The following TYW1 variants were observed in gnomAD, a reference collection of about 807,000 sequenced individuals.
The protein encoded by TYW1 is S-adenosyl-L-methionine-dependent tRNA 4-demethylwyosine synthase TYW1.
In TYW1, 46 loss-of-function variants were observed where a neutral mutation model predicts 96.2. That is an observed-to-expected ratio of 0.48 (90% confidence interval 0.38 to 0.61). TYW1 has a LOEUF of 0.61. Among genes scored for constraint, TYW1 ranks in the 20% least tolerant of loss-of-function variants. TYW1 has a pLI of 0.00. For synonymous variants in TYW1, 274 were observed against 323.0 expected (o/e 0.85, Z 1.63); for missense variants, 684 against 909.6 (o/e 0.75, Z 3.19).
chr7:67,042,800 C>T (rs1795074226), intron 7 of TYW1, among the ~76,000 whole-genome samples: 1 of 152,110 alleles, frequency 6.6e-6, no homozygotes, highest in East Asian at 1.9e-4. Flanking sequence ...AGTTCAAGAT[C>T]AGCCTGGCAA....
chr7:67,229,861 G>A (rs1175982891), intron 15 of TYW1, among the ~76,000 whole-genome samples: 1 of 152,162 alleles, frequency 6.6e-6, no homozygotes, highest in Non-Finnish European at 1.5e-5. Context: ...ACTGAGGAGG[G>A]AGGATCCTTG....
intron 10 of TYW1, among the ~76,000 whole-genome samples, chr7:67,075,483 G>A (rs1265069866): frequency 6.6e-6 from 1 of 152,178 alleles, no homozygotes; most frequent in Non-Finnish European, 1.5e-5. Context: ...ATATACTCTA[G>A]GTGTCCATTA....
chr7:67,003,635 A>G (rs1793475312), intron 3 of TYW1, among the ~76,000 whole-genome samples: 1 of 152,106 alleles, frequency 6.6e-6, no homozygotes, highest in Admixed American at 6.6e-5. Flanking sequence ...ACACAATCCA[A>G]GGTTGGACAT....
intron 9 of TYW1, chr7:67,066,990 G>T (rs1163411651): frequency 1.0e-5 from 4 of 394,434 alleles, no homozygotes; most frequent in Non-Finnish European, 1.9e-5. Context: ...ATATATTATT[G>T]TATTAATGTT....
chr7:67,040,843 CA>C (rs112135929), intron 7 of TYW1, among the ~76,000 whole-genome samples: 78 of 139,196 alleles, frequency 5.6e-4, no homozygotes, highest in Admixed American at 7.9e-4. Flanking sequence ...GACCCTATCT[CA>C]AAAAAAAAAA....
intron 15 of TYW1, among the ~76,000 whole-genome samples, chr7:67,204,561 T>TTC (rs1213300376): frequency 4.1e-5 from 6 of 144,608 alleles, no homozygotes; most frequent in Non-Finnish European, 9.1e-5. Flanking sequence ...CTTCTTCTTC[T>TTC]TTCTTCTTCC....
intron 7 of TYW1, among the ~76,000 whole-genome samples, chr7:67,038,032 G>A (rs977942042): frequency 3.3e-5 from 5 of 152,224 alleles, no homozygotes; most frequent in Admixed American, 2.6e-4. Context: ...CGAGCTTGGT[G>A]GCTCATGCCT....
chr7:67,187,052 A>ATTTT (rs750086247), intron 14 of TYW1, among the ~76,000 whole-genome samples: 1 of 100,898 alleles, frequency 9.9e-6, no homozygotes, highest in African/African-American at 3.5e-5. Flanking sequence ...CCACAATTAA[A>ATTTT]TTTTTTTTTT....
chr7:67,147,548 G>GT (rs1215755638), intron 13 of TYW1, among the ~76,000 whole-genome samples: 6 of 151,972 alleles, frequency 3.9e-5, no homozygotes, highest in Admixed American at 3.9e-4. Flanking sequence ...CTACCCATTT[G>GT]TTTTTTTCCT....
intron 14 of TYW1, among the ~76,000 whole-genome samples, chr7:67,189,695 G>A (rs1012021015): frequency 2.0e-5 from 3 of 152,090 alleles, no homozygotes; most frequent in Non-Finnish European, 4.4e-5. Flanking sequence ...ATGGGGTAAT[G>A]TATGCCCAGA....
rs1447043091 is a variant in TYW1, at chr7:67,180,406, TTA to T, written c.1699-2703_1699-2702del. On this transcript the variant is annotated intron_variant, in intron 13 of 15. Coordinates refer to ENST00000359626, the MANE Select transcript of TYW1 (RefSeq NM_018264.4). The stretch of plus-strand genomic sequence containing the variant: ...TTGGTTTATATATATATATATATAT[TTA>T]TATATATATATATATAATTTTTTTT... Among the ~76,000 whole-genome samples, 37 of 62,698 alleles carry T rather than the reference TTA, an allele frequency of 5.9e-4. 4 individuals carry two copies. Among genetic ancestry groups the T allele is most frequent in the Middle Eastern group, 0.019 (2 of 106 alleles). The allele number at this position is 62,698 out of a possible 152,430, so 41.1% of individuals were successfully genotyped here.
At chr7:67,141,638 A>G (rs763369155) in intron 13 of TYW1, among the ~76,000 whole-genome samples, 3 of 152,198 alleles carry the variant, frequency 2.0e-5, no homozygotes, top group Non-Finnish European at 2.9e-5. Flanking sequence ...AGGGCACCAT[A>G]CTATAATAGC....
rs3980764 is a variant in TYW1, at chr7:67,163,668, A to AT, written c.1699-19442dup. ...AAATTTCTGATCTTTAAGCAGGAGA[A>AT]TTTTTTTTTTTTTTTTCTGAGACAG... On this transcript the variant is annotated intron_variant, in intron 13 of 15. Coordinates refer to ENST00000359626, the MANE Select transcript of TYW1 (RefSeq NM_018264.4). Among the ~76,000 whole-genome samples the AT allele has an allele frequency of 6.9e-3, 979 of 140,872 alleles. 6 individuals carry two copies. Among genetic ancestry groups the AT allele is most frequent in the South Asian group, 0.024 (103 of 4,338 alleles). 92.4% of individuals were successfully genotyped at this position (140,872 alleles called of 152,430 possible).
intron 12 of TYW1, among the ~76,000 whole-genome samples, chr7:67,104,234 A>T (rs188316711): frequency 6.6e-6 from 1 of 152,284 alleles, no homozygotes; most frequent in African/African-American, 2.4e-5. Flanking sequence ...ATAAGGAATT[A>T]ACTGAGACTG....
chr7:67,034,290 C>T (rs1794764407), intron 7 of TYW1, among the ~76,000 whole-genome samples: 1 of 151,554 alleles, frequency 6.6e-6, no homozygotes, highest in Non-Finnish European at 1.5e-5. Context: ...TTTTTTAGTA[C>T]AGACGGGGTT....
At chr7:67,162,205 T>C (rs1799183225) in intron 13 of TYW1, among the ~76,000 whole-genome samples, 1 of 150,718 alleles carries the variant, frequency 6.6e-6, no homozygotes, top group Admixed American at 6.6e-5. Flanking sequence ...TCCCAGCTAC[T>C]CAGGAGGCTG....
intron 12 of TYW1, among the ~76,000 whole-genome samples, chr7:67,104,413 T>C (rs1386811398): frequency 2.6e-5 from 4 of 152,150 alleles, no homozygotes; most frequent in African/African-American, 9.7e-5. Context: ...AGGGAAATGT[T>C]ACACACTTTT....
intron 13 of TYW1, among the ~76,000 whole-genome samples, chr7:67,150,012 A>G (rs112588418): frequency 0.25 from 37,322 of 148,582 alleles, 5,209 homozygotes; most frequent in African/African-American, 0.37. Flanking sequence ...ATGAAAGCAA[A>G]TTACCATCTT....
chr7:67,117,541 C>CT lies in TYW1; in HGVS notation c.1622dup (p.Lys542GlufsTer17). ...TGTGGATGCCAGTACCAAAGACAGC[C>CT]TGAAGAAAATCGACCGCCCACTCTT... On this transcript the variant is annotated frameshift_variant, in exon 13 of 16. Coordinates refer to ENST00000359626, the MANE Select transcript of TYW1 (RefSeq NM_018264.4). LOFTEE classifies it high-confidence loss of function. 1 of 1,614,002 alleles carries CT rather than the reference C, an allele frequency of 6.2e-7. No homozygotes were observed. Among genetic ancestry groups the CT allele is most frequent in the Non-Finnish European group, 8.5e-7 (1 of 1,179,952 alleles).
Sources: allele counts gnomAD v4.1 joint callset (sites outside exome capture counted in the v4.1 genomes callset), GRCh38; gene constraint gnomAD v4.1.1; transcripts MANE v1.5; gene names NCBI Gene and HGNC (gene_info 2026-07-23, HGNC 2026-07-21).